Variants in UBR2 observed in about 807,000 individuals in gnomAD.
The protein encoded by UBR2 is E3 ubiquitin-protein ligase UBR2.
UBR2 carries 92 observed loss-of-function variants against 247.9 expected under a neutral mutation model. The observed-to-expected ratio is 0.37, with a 90% CI of 0.31 to 0.44. UBR2 has a LOEUF of 0.44. Among genes scored for constraint, UBR2 ranks in the 20% least tolerant of loss-of-function variants. The pLI is 1.00. For missense variants in UBR2, 1,613 were observed against 2,112.6 expected (o/e 0.76, Z 4.64); for synonymous variants, 672 against 693.5 (o/e 0.97, Z 0.49).
intron 13 of UBR2, 66 bp from the exon 14 acceptor site, chr6:42,635,352 T>G: frequency 2.7e-6 from 4 of 1,493,720 alleles, no homozygotes; most frequent in Non-Finnish European, 3.7e-6. Context: ...ACATTACTTC[T>G]TAGGTTTCCA....
chr6:42,661,328 A>C lies in UBR2; in HGVS notation c.3443-856A>C, dbSNP rs181547961. On this transcript the variant is annotated intron_variant, in intron 30 of 46. Coordinates refer to ENST00000372901, the MANE Select transcript of UBR2 (RefSeq NM_001363705.2). ...TTAAACTAGGTGCTTTATAAATTTCATTCCAGGCCAAAGACAAAGTTGCTA... is the reference window on the plus strand; with the variant it reads ...TTAAACTAGGTGCTTTATAAATTTCCTTCCAGGCCAAAGACAAAGTTGCTA... 1.4e-4 allele frequency among the ~76,000 whole-genome samples: 21 copies of C among 152,280 alleles called. No homozygotes were observed. The East Asian group carries it at 3.5e-3, about 25-fold the overall frequency.
chr6:42,570,015 TA>T (rs760151232), intron 1 of UBR2, among the ~76,000 whole-genome samples: 2 of 151,650 alleles, frequency 1.3e-5, no homozygotes, highest in Admixed American at 6.6e-5. Flanking sequence ...CTGGAAATCT[TA>T]ATTTTTCATG....
At chr6:42,672,545 C>T (rs1472104614) in intron 36 of UBR2, among the ~76,000 whole-genome samples, 1 of 152,088 alleles carries the variant, frequency 6.6e-6, no homozygotes, top group Non-Finnish European at 1.5e-5. Flanking sequence ...CATACTTTTA[C>T]AAACTTCTTA....
chr6:42,594,270 A>T lies in UBR2; in HGVS notation c.497A>T (p.His166Leu). The T allele has an allele frequency of 3.1e-6, 5 of 1,612,984 alleles. No homozygotes were observed. Among genetic ancestry groups the T allele is most frequent in the Non-Finnish European group, 3.4e-6 (4 of 1,179,184 alleles). ...AWKEGPYCQK[H>L]ELNTSEIEEE... is the part of the protein sequence containing the mutation. ...AAAGAGGGTCCTTACTGTCAAAAAC[A>T]TGAACTTAACACCTCTGAAATTGAG... Residue 166 changes from histidine (H) to leucine (L), a missense_variant, in exon 4 of 47, where the codon CAT becomes CTT. Coordinates refer to ENST00000372901, the MANE Select transcript of UBR2 (RefSeq NM_001363705.2).
At chr6:42,645,696 C>T in intron 21 of UBR2, 106 bp downstream of exon 21, 1 of 1,218,310 alleles carries the variant, frequency 8.2e-7, no homozygotes, top group Non-Finnish European at 1.2e-6. Context: ...ATTGTAAAAT[C>T]TATTGTCATG....
At chr6:42,640,901 G>A (rs12206181) in intron 16 of UBR2, among the ~76,000 whole-genome samples, 33,926 of 151,230 alleles carry the variant, frequency 0.22, 3,843 homozygotes, top group South Asian at 0.25. Context: ...GCTAATTTTT[G>A]TATTTTTAGT....
At chr6:42,592,280 A>G (rs368985140) in intron 3 of UBR2, 51 bp downstream of exon 3, 1 of 1,333,752 alleles carries the variant, frequency 7.5e-7, no homozygotes, top group African/African-American at 1.5e-5. Flanking sequence ...TTTATAATAA[A>G]TATCTTTTCT....
chr6:42,684,268 TTTTGATATGATTAAGAA>T (rs1488005861), intron 43 of UBR2, among the ~76,000 whole-genome samples: 1 of 152,154 alleles, frequency 6.6e-6, no homozygotes, highest in African/African-American at 2.4e-5. Context: ...CCCCAAGTGA[TTTTGATATGATTAAGAA>T]CTACTGTCTA....
chr6:42,659,568 A>G lies in UBR2; in HGVS notation c.3243-88A>G. 1 of 1,009,650 alleles carries G rather than the reference A, an allele frequency of 9.9e-7. No homozygotes were observed. 62.5% of individuals were successfully genotyped at this position (1,009,650 alleles called of 1,614,324 possible). A position where few individuals can be genotyped will look rare whatever the true frequency, so the allele number is the denominator to read the frequency against. ...ACACACACACACACACACACTACAC[A>G]CACACACACATACCTGTAGTCTGCT... is the stretch of plus-strand genomic sequence containing the variant. On this transcript the variant is annotated intron_variant, in intron 29 of 46. Coordinates refer to ENST00000372901, the MANE Select transcript of UBR2 (RefSeq NM_001363705.2). The surrounding 1 kb of genome is among the most constrained non-coding windows in gnomAD (Gnocchi z 4.3).
intron 1 of UBR2, among the ~76,000 whole-genome samples, chr6:42,571,071 C>T (rs1259574399): frequency 6.7e-6 from 1 of 149,950 alleles, no homozygotes; most frequent in African/African-American, 2.4e-5. Context: ...GCTCTCGTTA[C>T]AGTTACTAGA....
Position 42,684,825 on chromosome 6 carries a change from C to T in UBR2, c.4807C>T (p.Leu1603Phe), listed in dbSNP as rs759938173. Residue 1603 changes from leucine (L) to phenylalanine (F), a missense_variant, in exon 44 of 47, where the codon CTT (leucine) becomes TTT (phenylalanine). This residue lies in a region of UBR2 where 1,524 missense variants were observed against 1,967.3 expected (regional missense o/e 0.77). Transcript: ENST00000372901. Reference sequence around the variant, plus strand: ...AAGAGAATCTAACAAATTAATAAACCTTCCAGAGGATTACAGCAGCCTCAT... The same window carrying T: ...AAGAGAATCTAACAAATTAATAAACTTTCCAGAGGATTACAGCAGCCTCAT... Reference protein sequence around the residue: ...YPRESNKLINLPEDYSSLINQ... With the variant: ...YPRESNKLINFPEDYSSLINQ... The T allele has an allele frequency of 3.1e-6, 5 of 1,610,652 alleles. No homozygotes were observed. Among genetic ancestry groups the T allele is most frequent in the Non-Finnish European group, 3.4e-6 (4 of 1,178,404 alleles).
intron 34 of UBR2, 127 bp from the exon 35 acceptor site, chr6:42,669,965 A>G (rs534245756): frequency 6.0e-6 from 7 of 1,173,408 alleles, no homozygotes; most frequent in Non-Finnish European, 8.3e-6. Flanking sequence ...TGATCACTGC[A>G]TACAATTATC....
intron 2 of UBR2, among the ~76,000 whole-genome samples, chr6:42,587,349 T>C (rs1044030636): frequency 1.3e-5 from 2 of 152,118 alleles, no homozygotes; most frequent in African/African-American, 2.4e-5. Context: ...ATTCTTCTTT[T>C]AATTTTTTTT....
At chr6:42,604,226 GC>G in intron 5 of UBR2, among the ~76,000 whole-genome samples, 1 of 152,106 alleles carries the variant, frequency 6.6e-6, no homozygotes, top group Non-Finnish European at 1.5e-5. Context: ...CAAACTTGTG[GC>G]CAGAGAGCTG....
chr6:42,569,706 T>C (rs546169382), intron 1 of UBR2, among the ~76,000 whole-genome samples: 1 of 152,340 alleles, frequency 6.6e-6, no homozygotes, highest in South Asian at 2.1e-4. Flanking sequence ...TTTAATTGGG[T>C]ATAGAATAAT....
chr6:42,689,972 A>T lies in UBR2; in HGVS notation c.5126+302A>T, dbSNP rs1799659905. ...CATCCCAGCTCAGAGCACTCCAGGGATGGCCCACTCTGACTTGTATGGCCT... is the reference window on the plus strand; with the variant it reads ...CATCCCAGCTCAGAGCACTCCAGGGTTGGCCCACTCTGACTTGTATGGCCT... On this transcript the variant is annotated intron_variant, in intron 46 of 46. Transcript: ENST00000372901. This position sits in a 1 kb window ranked among gnomAD's most constrained non-coding sequence, Gnocchi z 4.0. Among the ~76,000 whole-genome samples the T allele has an allele frequency of 1.3e-5, 2 of 152,212 alleles. No individual in the cohort carries two copies. The highest frequency in any genetic ancestry group is 2.9e-5 in the Non-Finnish European group (2 of 68,038).
intron 40 of UBR2, 77 bp downstream of exon 40, chr6:42,676,950 G>A (rs1798752604): frequency 8.4e-7 from 1 of 1,192,046 alleles, no homozygotes. Context: ...GAATTCGTTT[G>A]TTAATTAGGG....
intron 34 of UBR2, among the ~76,000 whole-genome samples, chr6:42,666,669 C>T (rs748859171): frequency 3.3e-5 from 5 of 152,118 alleles, no homozygotes; most frequent in Admixed American, 6.6e-5. Context: ...ATCAGTAATT[C>T]TAAATACAAA....
At chr6:42,587,266 T>A (rs984691046) in intron 2 of UBR2, among the ~76,000 whole-genome samples, 1 of 152,226 alleles carries the variant, frequency 6.6e-6, no homozygotes, top group Admixed American at 6.5e-5. Flanking sequence ...CTTCATTCTT[T>A]CCTGGACTAG....
Sources: allele counts gnomAD v4.1 joint callset (sites outside exome capture counted in the v4.1 genomes callset), GRCh38; gene constraint gnomAD v4.1.1; regional missense constraint gnomAD v4.1.1; non-coding constraint Gnocchi (gnomAD v3.1); transcripts MANE v1.5; gene names NCBI Gene and HGNC (gene_info 2026-07-23, HGNC 2026-07-21).